Variants in KCNK10 observed in about 807,000 individuals in gnomAD.
KCNK10 encodes potassium channel subfamily K member 10.
A neutral mutation model predicts 47.7 loss-of-function variants in KCNK10; 25 were observed. That is an observed-to-expected ratio of 0.52 (90% CI 0.38 to 0.73). KCNK10 has a LOEUF of 0.73. KCNK10 is among the 30% of genes least tolerant of loss of function. The pLI is 0.00. For missense variants in KCNK10, 563 were observed against 714.5 expected (o/e 0.79, Z 2.42); for synonymous variants, 303 against 285.6 (o/e 1.06, Z -0.61).
At chr14:88,237,959 A>G (rs2104121) in intron 3 of KCNK10, among the ~76,000 whole-genome samples, 33,438 of 152,140 alleles carry the variant, frequency 0.22, 3,847 homozygotes, top group East Asian at 0.39. Flanking sequence ...TGTAACTATG[A>G]AAGTCCTAGA....
chr14:88,307,027 C>T (rs948723221), intron 1 of KCNK10, among the ~76,000 whole-genome samples: 25 of 152,112 alleles, frequency 1.6e-4, no homozygotes, highest in African/African-American at 6.0e-4. Context: ...GGGACACACC[C>T]ATCTCTATAG....
chr14:88,224,376 C>G (rs1165344946), intron 4 of KCNK10, among the ~76,000 whole-genome samples: 1 of 152,206 alleles, frequency 6.6e-6, no homozygotes, highest in Non-Finnish European at 1.5e-5. Context: ...TCTGACTCCT[C>G]CATTTCACAG....
At chr14:88,195,201 A>G (rs1377370056) in intron 4 of KCNK10, among the ~76,000 whole-genome samples, 1 of 152,116 alleles carries the variant, frequency 6.6e-6, no homozygotes, top group Non-Finnish European at 1.5e-5. Context: ...GAGTCTAGGG[A>G]AAGACTGCCT....
intron 1 of KCNK10, among the ~76,000 whole-genome samples, chr14:88,299,031 T>A (rs1888043287): frequency 6.6e-6 from 1 of 152,318 alleles, no homozygotes; most frequent in African/African-American, 2.4e-5. Flanking sequence ...AAGCCTTCCC[T>A]GGTCCCCAAA....
chr14:88,282,450 CA>C (rs1291028331), intron 1 of KCNK10, among the ~76,000 whole-genome samples: 1 of 152,132 alleles, frequency 6.6e-6, no homozygotes, highest in Non-Finnish European at 1.5e-5. Context: ...TTGATAATTC[CA>C]AATCTCAATA....
Position 88,322,729 on chromosome 14 carries a change from A to C in KCNK10, c.52+18T>G. On this transcript the variant is annotated intron_variant, in intron 1 of 6. Transcript: ENST00000319231. This position sits in a 1 kb window ranked among gnomAD's most constrained non-coding sequence, Gnocchi z 4.8. Reference sequence around the variant, plus strand: ...GACAGAGGCAGGGCGAGGGCAGCCAAAAGTAGGAAACACCCACCTTTAGGA... The same window carrying C: ...GACAGAGGCAGGGCGAGGGCAGCCACAAGTAGGAAACACCCACCTTTAGGA... The C allele has an allele frequency of 6.2e-7, 1 of 1,614,074 alleles. No individual in the cohort carries two copies. Among genetic ancestry groups the C allele is most frequent in the South Asian group, 1.1e-5 (1 of 91,074 alleles).
intron 2 of KCNK10, among the ~76,000 whole-genome samples, chr14:88,248,514 A>G (rs934383691): frequency 1.3e-5 from 2 of 152,116 alleles, no homozygotes; most frequent in Admixed American, 6.5e-5. Context: ...GGATTGCTTG[A>G]GCGCAGGAGT....
At chr14:88,320,981 A>T (rs1172312346) in intron 1 of KCNK10, among the ~76,000 whole-genome samples, 1 of 152,208 alleles carries the variant, frequency 6.6e-6, no homozygotes, top group Admixed American at 6.5e-5. Flanking sequence ...CTAGGGATAA[A>T]TACATTTTTC....
Position 88,322,648 on chromosome 14 carries a change from A to T in KCNK10, c.52+99T>A. ...CCCAGGCGCATTTCCCAGCCTCAGGACACACGCTGCCAGAAGCAAGAGTGC... is the reference window on the plus strand; with the variant it reads ...CCCAGGCGCATTTCCCAGCCTCAGGTCACACGCTGCCAGAAGCAAGAGTGC... On this transcript the variant is annotated intron_variant, in intron 1 of 6. Coordinates refer to ENST00000319231, the MANE Select transcript of KCNK10 (RefSeq NM_138317.3). The surrounding 1 kb of genome is among the most constrained non-coding windows in gnomAD (Gnocchi z 4.8). 1 of 1,529,126 alleles carries T rather than the reference A, an allele frequency of 6.5e-7. No homozygotes were observed. The highest frequency in any genetic ancestry group is 9.0e-7 in the Non-Finnish European group (1 of 1,104,986). 94.7% of individuals were successfully genotyped at this position (1,529,126 alleles called of 1,614,324 possible).
chr14:88,202,695 G>A (rs1272783127), intron 4 of KCNK10, among the ~76,000 whole-genome samples: 17 of 150,458 alleles, frequency 1.1e-4, no homozygotes, highest in Non-Finnish European at 2.5e-4. Flanking sequence ...GCAAGACCGG[G>A]TTAGGAACAC....
intron 2 of KCNK10, among the ~76,000 whole-genome samples, chr14:88,257,543 G>A (rs1050206135): frequency 6.6e-5 from 10 of 152,176 alleles, no homozygotes; most frequent in Non-Finnish European, 2.9e-5. Flanking sequence ...CCCAGATATC[G>A]TGTTTCTGTT....
chr14:88,238,301 T>C (rs533010339), intron 3 of KCNK10, among the ~76,000 whole-genome samples: 1 of 152,194 alleles, frequency 6.6e-6, no homozygotes, highest in Non-Finnish European at 1.5e-5. Context: ...ATTTTCTCCA[T>C]ATCAGCAATA....
At chr14:88,213,287 G>GA (rs975298997) in intron 4 of KCNK10, among the ~76,000 whole-genome samples, 72 of 147,296 alleles carry the variant, frequency 4.9e-4, no homozygotes, top group African/African-American at 1.0e-3. Flanking sequence ...AATGTAAAAA[G>GA]AAAAAAAAAA....
In KCNK10 at chr14:88,227,376, C is replaced by G; in HGVS notation, c.680G>C (p.Arg227Pro). ...ATTTAAATATGACACAGTACTCACT[C>G]GAAAGACCTTCTCCACTCTTGCAAT... ...KSIARVEKVFRKKQVSQTKIR... is the reference protein window; with the variant it reads ...KSIARVEKVFPKKQVSQTKIR... Residue 227 changes from arginine (R) to proline (P), a missense_variant and splice_region_variant, in exon 4 of 7, where the codon CGA becomes CCA. Physicochemically the swap from Arg to Pro is moderately radical, Grantham distance 103. Transcript: ENST00000319231. 1 of 1,607,650 alleles carries G rather than the reference C, an allele frequency of 6.2e-7. No homozygotes were observed. The highest frequency in any genetic ancestry group is 8.5e-7 in the Non-Finnish European group (1 of 1,177,590).
At chr14:88,283,387 G>T (rs1163115794) in intron 1 of KCNK10, among the ~76,000 whole-genome samples, 1 of 152,210 alleles carries the variant, frequency 6.6e-6, no homozygotes, top group Non-Finnish European at 1.5e-5. Flanking sequence ...TTCCACAGTA[G>T]ATGGTAATAC....
At position 88,322,677 on chromosome 14, in the gene KCNK10, C is replaced by T. The variant is rs955190482; in HGVS notation, c.52+70G>A. ...ACGCTGCCAGAAGCAAGAGTGCTTC[C>T]ACTCAAGGAAGCGCGCACACGCCGG... is the stretch of plus-strand genomic sequence containing the variant. On this transcript the variant is annotated intron_variant, in intron 1 of 6. Transcript: ENST00000319231. The surrounding 1 kb of genome is among the most constrained non-coding windows in gnomAD (Gnocchi z 4.8). The T allele has an allele frequency of 2.5e-6, 4 of 1,594,566 alleles. No homozygotes were observed. The highest frequency in any genetic ancestry group is 1.7e-5 in the Admixed American group (1 of 59,914).
intron 2 of KCNK10, among the ~76,000 whole-genome samples, chr14:88,250,252 G>A (rs1050340581): frequency 6.6e-6 from 1 of 152,156 alleles, no homozygotes; most frequent in Non-Finnish European, 1.5e-5. Context: ...AATAACCCCA[G>A]GGATAGAAAC....
chr14:88,214,991 T>G (rs993471796), intron 4 of KCNK10, among the ~76,000 whole-genome samples: 7 of 152,102 alleles, frequency 4.6e-5, no homozygotes, highest in Admixed American at 6.6e-5. Context: ...GGAGACCAAG[T>G]TTGGAAGTCT....
At chr14:88,192,668 T>A (rs963568720) in intron 4 of KCNK10, among the ~76,000 whole-genome samples, 3 of 152,178 alleles carry the variant, frequency 2.0e-5, no homozygotes, top group Non-Finnish European at 4.4e-5. Context: ...AAATCCTGCT[T>A]AGCCAATGCT....
Sources: allele counts gnomAD v4.1 joint callset (sites outside exome capture counted in the v4.1 genomes callset), GRCh38; gene constraint gnomAD v4.1.1; non-coding constraint Gnocchi (gnomAD v3.1); transcripts MANE v1.5; gene names NCBI Gene and HGNC (gene_info 2026-07-23, HGNC 2026-07-21).